UBE2U: variants seen among roughly 807,000 people sequenced by gnomAD.
UBE2U encodes ubiquitin conjugating enzyme E2 U.
Under a neutral mutation model 41.2 loss-of-function variants are expected in UBE2U, and 39 were observed. That is an observed-to-expected ratio of 0.95 (90% confidence interval 0.73 to 1.24). The LOEUF (loss-of-function observed/expected upper bound fraction) is 1.24. Among genes scored for constraint, UBE2U ranks in the 50% most tolerant of loss-of-function variants. The pLI is 0.00. For missense variants in UBE2U, 336 were observed against 363.1 expected (o/e 0.93, Z 0.61); for synonymous variants, 107 against 117.8 (o/e 0.91, Z 0.60).
At chr1:64,227,527 C>T (rs139688993) in intron 6 of UBE2U, among the ~76,000 whole-genome samples, 4 of 152,152 alleles carry the variant, frequency 2.6e-5, no homozygotes, top group Non-Finnish European at 5.9e-5. Context: ...TACGGCCAGG[C>T]GCCATGGCTC....
chr1:64,204,154 G>A, intron 1 of UBE2U, 38 bp downstream of exon 1: 1 of 1,579,764 alleles, frequency 6.3e-7, no homozygotes, highest in Non-Finnish European at 8.6e-7. Flanking sequence ...GTTTCATTGT[G>A]CAATAATTTT....
chr1:64,267,212 G>A lies in UBE2U; in HGVS notation c.*4G>A. ...TACAAATACTTCAGAAGATTAAGCA[G>A]AACATTATCAGATTCAAAAAATAAA... On this transcript the variant is annotated 3_prime_UTR_variant, in exon 10 of 10. Transcript: ENST00000371077. 1.3e-6 allele frequency: 2 copies of A among 1,485,520 alleles called. No homozygotes were observed. Among genetic ancestry groups the A allele is most frequent in the Non-Finnish European group, 1.8e-6 (2 of 1,119,452 alleles). The allele number at this position is 1,485,520 out of a possible 1,614,324, so 92.0% of individuals were successfully genotyped here. A position where few individuals can be genotyped will look rare whatever the true frequency, so the allele number is the denominator to read the frequency against.
intron 7 of UBE2U, among the ~76,000 whole-genome samples, chr1:64,241,138 T>A (rs1644828240): frequency 6.6e-6 from 1 of 152,190 alleles, no homozygotes; most frequent in South Asian, 2.1e-4. Flanking sequence ...CTTCAGTTAC[T>A]TTCCTTGTAA....
At chr1:64,255,144 CT>C (rs1330753635) in intron 8 of UBE2U, among the ~76,000 whole-genome samples, 1 of 152,128 alleles carries the variant, frequency 6.6e-6, no homozygotes, top group East Asian at 1.9e-4. Context: ...ATAAACACCC[CT>C]GTGCACATAA....
chr1:64,238,274 G>A (rs569696683), intron 7 of UBE2U, among the ~76,000 whole-genome samples: 1 of 151,902 alleles, frequency 6.6e-6, no homozygotes, highest in African/African-American at 2.4e-5. Context: ...GCATGGTGGC[G>A]CATGCCTATA....
At chr1:64,258,515 C>T (rs554485650) in intron 8 of UBE2U, among the ~76,000 whole-genome samples, 84 of 151,898 alleles carry the variant, frequency 5.5e-4, no homozygotes, top group African/African-American at 1.9e-3. Context: ...TGTTCCCCGC[C>T]CCGTGTCCAG....
At chr1:64,239,949 T>G (rs926174021) in intron 7 of UBE2U, among the ~76,000 whole-genome samples, 3 of 152,144 alleles carry the variant, frequency 2.0e-5, no homozygotes, top group Non-Finnish European at 4.4e-5. Flanking sequence ...CACCACACTG[T>G]TTTCCACAAT....
At chr1:64,246,425 T>C (rs1326008212) in intron 8 of UBE2U, among the ~76,000 whole-genome samples, 1 of 152,204 alleles carries the variant, frequency 6.6e-6, no homozygotes, top group East Asian at 1.9e-4. Flanking sequence ...TCAGGGTTAT[T>C]GAATTTAAAC....
chr1:64,249,803 AC>A (rs1320920016), intron 8 of UBE2U, among the ~76,000 whole-genome samples: 1 of 152,096 alleles, frequency 6.6e-6, no homozygotes, highest in Admixed American at 6.5e-5. Context: ...GGTAGAAGAT[AC>A]ATATAAATGG....
chr1:64,239,175 GAA>G (rs1644781336), intron 7 of UBE2U, among the ~76,000 whole-genome samples: 1 of 95,408 alleles, frequency 1.0e-5, no homozygotes, highest in Admixed American at 1.0e-4. Context: ...AGAAGAAGAA[GAA>G]GAAGAAGAAG....
rs1570157729 is a variant in UBE2U at position 64,260,697 on chromosome 1, A to C, written c.769+3A>C. The C allele has an allele frequency of 1.3e-6, 2 of 1,545,788 alleles. No individual in the cohort carries two copies. The highest frequency in any genetic ancestry group is 1.7e-6 in the Non-Finnish European group (2 of 1,144,176). On this transcript the variant is annotated splice_donor_region_variant and intron_variant, in intron 9 of 9. Transcript: ENST00000371077. ...AATTAAGCTCTGCCCAACTCTAAGT[A>C]AATCGATTCACTCTATTTGTTTTGC... is the stretch of plus-strand genomic sequence containing the variant.
intron 4 of UBE2U, among the ~76,000 whole-genome samples, 191 bp downstream of exon 4, chr1:64,211,030 G>T (rs1251825729): frequency 6.6e-6 from 1 of 152,176 alleles, no homozygotes; most frequent in Non-Finnish European, 1.5e-5. Flanking sequence ...TATTTAAAGT[G>T]AAATTGATAG....
At chr1:64,235,524 C>A (rs781237643) in intron 7 of UBE2U, among the ~76,000 whole-genome samples, 1 of 151,922 alleles carries the variant, frequency 6.6e-6, no homozygotes, top group Non-Finnish European at 1.5e-5. Context: ...AAAGATGAAG[C>A]TTTTAGATTA....
intron 4 of UBE2U, among the ~76,000 whole-genome samples, chr1:64,213,571 A>G (rs1412486200): frequency 3.3e-5 from 5 of 152,162 alleles, no homozygotes; most frequent in African/African-American, 1.2e-4. Flanking sequence ...CCCCTATTGG[A>G]CTGCAAGCTC....
chr1:64,246,316 A>G (rs1644919536), intron 8 of UBE2U, among the ~76,000 whole-genome samples: 1 of 152,200 alleles, frequency 6.6e-6, no homozygotes, highest in Admixed American at 6.5e-5. Flanking sequence ...CTCACAAAAG[A>G]TAAGTAATCT....
chr1:64,209,619 T>C (rs1186879140), intron 3 of UBE2U, among the ~76,000 whole-genome samples: 2 of 152,188 alleles, frequency 1.3e-5, no homozygotes, highest in Non-Finnish European at 2.9e-5. Context: ...CTTTGATCTA[T>C]TTTATAATTA....
intron 9 of UBE2U, among the ~76,000 whole-genome samples, chr1:64,264,604 G>T (rs575389360): frequency 3.9e-5 from 6 of 152,074 alleles, no homozygotes; most frequent in African/African-American, 4.8e-5. Context: ...TTCATTCCAC[G>T]CCAGCAACTC....
chr1:64,265,748 T>G (rs1645245508), intron 9 of UBE2U, among the ~76,000 whole-genome samples: 1 of 152,062 alleles, frequency 6.6e-6, no homozygotes, highest in African/African-American at 2.4e-5. Context: ...CCGGCTAATT[T>G]TTGTATTTTA....
chr1:64,226,606 A>T (rs1365739351), intron 6 of UBE2U, among the ~76,000 whole-genome samples: 1 of 152,148 alleles, frequency 6.6e-6, no homozygotes, highest in Non-Finnish European at 1.5e-5. Context: ...CCAAGGTGGA[A>T]GGATTGCTTG....
Sources: gnomAD v4.1 joint callset for allele counts (sites outside exome capture counted in the v4.1 genomes callset) on GRCh38, gnomAD v4.1.1 for gene constraint, MANE v1.5 for transcripts, NCBI Gene and HGNC (gene_info 2026-07-23, HGNC 2026-07-21) for gene names.